CDH10: variants seen among roughly 807,000 people sequenced by gnomAD.
CDH10 encodes cadherin 10.
In CDH10, 30 loss-of-function variants were observed where a neutral mutation model predicts 73.1. That is an observed-to-expected ratio of 0.41 (90% CI 0.31 to 0.56). CDH10 has a LOEUF of 0.56. Ranked by LOEUF, CDH10 falls within the 20% of genes least tolerant of loss-of-function variation. The probability of loss-of-function intolerance (pLI) is 0.27; values close to 1 mark genes in which losing one functional copy is unlikely to be tolerated. For missense variants in CDH10, 815 were observed against 973.7 expected (o/e 0.84, Z 2.17); for synonymous variants, 345 against 348.2 (o/e 0.99, Z 0.10).
rs904999420 is a variant in CDH10 at position 24,593,208 on chromosome 5, T to A, written c.231+52A>T. 2.0e-5 allele frequency: 20 copies of A among 994,874 alleles called. No homozygotes were observed. In the African/African-American group the frequency reaches 3.3e-4, roughly 16 times the overall value. 61.6% of individuals were successfully genotyped at this position (994,874 alleles called of 1,614,324 possible). A position where few individuals can be genotyped will look rare whatever the true frequency, so the allele number is the denominator to read the frequency against. ...TTGATGACCTTCAAATTTTCATCAGTAAAATATATAAAGAGCAAATATAAA... is the reference window on the plus strand; with the variant it reads ...TTGATGACCTTCAAATTTTCATCAGAAAAATATATAAAGAGCAAATATAAA... On this transcript the variant is annotated intron_variant, in intron 2 of 11. Coordinates refer to ENST00000264463, the MANE Select transcript of CDH10 (RefSeq NM_006727.5).
chr5:24,542,551 C>T (rs1278222481), intron 2 of CDH10, among the ~76,000 whole-genome samples: 1 of 151,938 alleles, frequency 6.6e-6, no homozygotes, highest in Non-Finnish European at 1.5e-5. Context: ...GAAGGTTATA[C>T]CATCTAAGAT....
chr5:24,505,160 G>A lies in CDH10; in HGVS notation c.1345C>T (p.Arg449Cys), dbSNP rs1338227500. 8 of 1,612,144 alleles carry A rather than the reference G, an allele frequency of 5.0e-6. No homozygotes were observed. The highest frequency in any genetic ancestry group is 1.1e-5 in the South Asian group (1 of 91,024). Residue 449 changes from arginine (R) to cysteine (C), a missense_variant, in exon 8 of 12, where the codon CGT (arginine) becomes TGT (cysteine). This residue lies in a region of CDH10 where 516 missense variants were observed against 636.6 expected (regional missense o/e 0.81). Coordinates refer to ENST00000264463, the MANE Select transcript of CDH10 (RefSeq NM_006727.5). ...AGATTATGCCACTGAGATAGTTCAC[G>A]GTCAAGAGGTTTTGATGTATAAAGA... ...GSLYTSKPLD[R>C]ELSQWHNLTV...
rs1166182039 is a variant in CDH10, at chr5:24,535,190, T to C, written c.736A>G (p.Met246Val). The C allele has an allele frequency of 6.2e-7, 1 of 1,613,426 alleles. No homozygotes were observed. The highest frequency in any genetic ancestry group is 8.5e-7 in the Non-Finnish European group (1 of 1,179,680). The change falls in exon 5 of 12, where the codon ATG becomes GTG. Residue 246 changes from methionine to valine, a missense_variant. Physicochemically the swap from Met to Val is conservative, Grantham distance 21. This residue lies in a region of CDH10 where 516 missense variants were observed against 636.6 expected (regional missense o/e 0.81). Transcript: ENST00000264463. ...VIQAKDMGGQ[M>V]GGLSGTTTVN... ...GTGGTTGTCCCCGATAAGCCTCCCA[T>C]CTGGCCGCCCATGTCTTTGGCCTGG...
chr5:24,504,506 C>CTGTTTTTTTTTTTTTTTTTTTTTTTT lies in CDH10; in HGVS notation c.1393+605_1393+606insAAAAAAAAAAAAAAAAAAAAAAAACA, dbSNP rs1554016940. Among the ~76,000 whole-genome samples the CTGTTTTTTTTTTTTTTTTTTTTTTTT allele has an allele frequency of 1.8e-4, 12 of 65,206 alleles. 5 individuals are homozygous for CTGTTTTTTTTTTTTTTTTTTTTTTTT. Among genetic ancestry groups the CTGTTTTTTTTTTTTTTTTTTTTTTTT allele is most frequent in the Non-Finnish European group, 3.5e-4 (12 of 33,976 alleles). The allele number at this position is 65,206 out of a possible 152,430, so 42.8% of individuals were successfully genotyped here. On this transcript the variant is annotated intron_variant, in intron 8 of 11. Transcript: ENST00000264463. ...TATTAAATGCTTTTCTCCTATTAAT[C>CTGTTTTTTTTTTTTTTTTTTTTTTTT]TTTTTTTTTTTTTTTTTTTTTTTTT...
intron 1 of CDH10, among the ~76,000 whole-genome samples, chr5:24,617,592 G>T (rs1410400327): frequency 2.0e-5 from 3 of 152,018 alleles, no homozygotes; most frequent in Non-Finnish European, 4.4e-5. Context: ...TTTTTAAAAA[G>T]CTCTAAGAAA....
intron 1 of CDH10, among the ~76,000 whole-genome samples, chr5:24,638,643 G>A (rs967687896): frequency 1.3e-5 from 2 of 151,790 alleles, no homozygotes; most frequent in South Asian, 2.1e-4. Context: ...GCATGTTGCT[G>A]TTTTTCACTC....
chr5:24,491,491 G>A (rs574139543), intron 11 of CDH10, 85 bp downstream of exon 11: 2 of 1,209,612 alleles, frequency 1.7e-6, no homozygotes, highest in Non-Finnish European at 2.3e-6. Flanking sequence ...GGGTGGTTTT[G>A]GGGGAGGGAT....
chr5:24,640,320 A>G (rs1748005430), intron 1 of CDH10, among the ~76,000 whole-genome samples: 1 of 151,600 alleles, frequency 6.6e-6, no homozygotes, highest in Non-Finnish European at 1.5e-5. Flanking sequence ...GAAGAGAGAG[A>G]GAGGGAGAAG....
At chr5:24,629,494 T>TA (rs11397525) in intron 1 of CDH10, among the ~76,000 whole-genome samples, 14,265 of 152,092 alleles carry the variant, frequency 0.094, 919 homozygotes, top group Middle Eastern at 0.17. Context: ...TTTCTCCTCT[T>TA]AAAAAGATAA....
chr5:24,519,323 T>C (rs1208733291), intron 5 of CDH10, among the ~76,000 whole-genome samples: 1 of 145,972 alleles, frequency 6.9e-6, no homozygotes, highest in Admixed American at 6.9e-5. Flanking sequence ...TTAATGATCT[T>C]CAGTTTGAAA....
intron 2 of CDH10, among the ~76,000 whole-genome samples, chr5:24,557,858 C>T (rs1390436563): frequency 6.6e-6 from 1 of 151,688 alleles, no homozygotes; most frequent in African/African-American, 2.4e-5. Context: ...AAAGAGGCAA[C>T]TAATGATGCA....
At position 24,625,584 on chromosome 5, in the gene CDH10, T is replaced by C. The variant is rs1010251309; in HGVS notation, c.-124+19010A>G. Reference sequence around the variant, plus strand: ...ATATTCATATATATACATATATTCATATATATGAATATATATGTGTATATA... The same window carrying C: ...ATATTCATATATATACATATATTCACATATATGAATATATATGTGTATATA... On this transcript the variant is annotated intron_variant, in intron 1 of 11. Coordinates refer to ENST00000264463, the MANE Select transcript of CDH10 (RefSeq NM_006727.5). Among the ~76,000 whole-genome samples, 5 of 121,224 alleles carry C rather than the reference T, an allele frequency of 4.1e-5. 1 individual carries two copies. The highest frequency in any genetic ancestry group is 1.2e-4 in the African/African-American group (3 of 25,558). The allele number at this position is 121,224 out of a possible 152,430, so 79.5% of individuals were successfully genotyped here. A position where few individuals can be genotyped will look rare whatever the true frequency, so the allele number is the denominator to read the frequency against.
rs190677254 is a variant in CDH10, at chr5:24,582,983, G to T, written c.231+10277C>A. 8.6e-3 allele frequency among the ~76,000 whole-genome samples: 1,304 copies of T among 151,976 alleles called. 73 individuals are homozygous for T. Among genetic ancestry groups the T allele is most frequent in the Admixed American group, 0.078 (1,184 of 15,250 alleles). On this transcript the variant is annotated intron_variant, in intron 2 of 11. Coordinates refer to ENST00000264463, the MANE Select transcript of CDH10 (RefSeq NM_006727.5). ...AAACTTTTCAAGACTATGCTTCAGG[G>T]TTTCTACTTGTAGTCATATTTCCTA...
intron 1 of CDH10, among the ~76,000 whole-genome samples, chr5:24,625,664 A>G (rs1747474513): frequency 8.9e-6 from 1 of 112,604 alleles, no homozygotes; most frequent in Non-Finnish European, 1.8e-5. Flanking sequence ...ATTCACAAAC[A>G]TGAAAATGTA....
chr5:24,539,828 C>T (rs978274613), intron 2 of CDH10, among the ~76,000 whole-genome samples: 1 of 152,058 alleles, frequency 6.6e-6, no homozygotes, highest in Non-Finnish European at 1.5e-5. Flanking sequence ...TACATAGTTG[C>T]TGGGAAACTT....
intron 11 of CDH10, among the ~76,000 whole-genome samples, chr5:24,488,461 T>C (rs1193898072): frequency 6.6e-6 from 1 of 152,146 alleles, no homozygotes; most frequent in African/African-American, 2.4e-5. Context: ...ACAGATAATA[T>C]TTATCTTCTG....
At chr5:24,544,020 G>T (rs918219266) in intron 2 of CDH10, among the ~76,000 whole-genome samples, 4 of 152,176 alleles carry the variant, frequency 2.6e-5, no homozygotes, top group South Asian at 4.1e-4. Context: ...GGAAGGCCGG[G>T]TGTGGTGGCT....
In CDH10 at chr5:24,586,843, C is replaced by CTTTTTTTTTTTTT. The variant is rs1001227038; in HGVS notation, c.231+6404_231+6416dup. Among the ~76,000 whole-genome samples, 63 of 102,752 alleles carry CTTTTTTTTTTTTT rather than the reference C, an allele frequency of 6.1e-4. 4 individuals are homozygous for CTTTTTTTTTTTTT. The highest frequency in any genetic ancestry group is 6.8e-3 in the Middle Eastern group (1 of 146). The allele number at this position is 102,752 out of a possible 152,430, so 67.4% of individuals were successfully genotyped here. A position where few individuals can be genotyped will look rare whatever the true frequency, so the allele number is the denominator to read the frequency against. Reference sequence around the variant, plus strand: ...GTAAAACAATAAGATAGCCCATATTCTTTTTTTTTTTTTTTTTTTGAGCCG... The same window carrying CTTTTTTTTTTTTT: ...GTAAAACAATAAGATAGCCCATATTCTTTTTTTTTTTTTTTTTTTTTTTTTTTTTTTTGAGCCG... On this transcript the variant is annotated intron_variant, in intron 2 of 11. Coordinates refer to ENST00000264463, the MANE Select transcript of CDH10 (RefSeq NM_006727.5).
chr5:24,537,780 G>C, intron 2 of CDH10, 106 bp from the exon 3 acceptor site: 3 of 657,126 alleles, frequency 4.6e-6, no homozygotes, highest in Non-Finnish European at 7.7e-6. Flanking sequence ...CAACGGGGTC[G>C]GCTATCCTAC....
Sources: allele counts gnomAD v4.1 joint callset (sites outside exome capture counted in the v4.1 genomes callset), GRCh38; gene constraint gnomAD v4.1.1; regional missense constraint gnomAD v4.1.1; transcripts MANE v1.5; gene names NCBI Gene and HGNC (gene_info 2026-07-23, HGNC 2026-07-21).